MRPL19: variants seen among roughly 807,000 people sequenced by gnomAD.
The protein encoded by MRPL19 is large ribosomal subunit protein bL19m.
In MRPL19, 31 loss-of-function variants were observed where a neutral mutation model predicts 34.0. The observed-to-expected ratio is 0.91, with a 90% CI of 0.68 to 1.23. MRPL19 has a LOEUF of 1.23. MRPL19 is among the 50% of genes most tolerant of loss of function. MRPL19 has a pLI of 0.00. For missense variants in MRPL19, 384 were observed against 367.6 expected, an observed-to-expected ratio of 1.04 and a Z score of -0.37; for synonymous variants, 152 against 127.7, an observed-to-expected ratio of 1.19 and a Z score of -1.28.
At position 75,657,404 on chromosome 2, in the gene MRPL19, TCAGA is replaced by T. The variant is rs1414529244; in HGVS notation, c.*2123_*2126del. 2 of 152,102 alleles carry T rather than the reference TCAGA, an allele frequency of 1.3e-5. No homozygotes were observed. Among genetic ancestry groups the T allele is most frequent in the African/African-American group, 2.4e-5 (1 of 41,424 alleles). 9.4% of individuals were successfully genotyped at this position (152,102 alleles called of 1,614,324 possible). ...AGGAAGGAGATTGTCTAGGGGTCTG[TCAGA>T]CAGCAGCTTTCAGCTACTTCCTTGA... is the stretch of plus-strand genomic sequence containing the variant. On this transcript the variant is annotated 3_prime_UTR_variant, in exon 6 of 6. Coordinates refer to ENST00000393909, the MANE Select transcript of MRPL19 (RefSeq NM_014763.4).
At position 75,661,154 on chromosome 2, in the gene MRPL19, A is replaced by C. The variant is rs1486139075; in HGVS notation, c.*5869A>C. 6.6e-6 allele frequency: 1 copy of C among 152,114 alleles called. No individual in the cohort carries two copies. The highest frequency in any genetic ancestry group is 1.5e-5 in the Non-Finnish European group (1 of 68,018). The allele number at this position is 152,114 out of a possible 1,614,324, so 9.4% of individuals were successfully genotyped here. A position where few individuals can be genotyped will look rare whatever the true frequency, so the allele number is the denominator to read the frequency against. The stretch of plus-strand genomic sequence containing the variant: ...ACAGAATGCAGTTGCTGATTTCAAG[A>C]CTGCTGCAACACCAGGGAGCTTGTG... On this transcript the variant is annotated 3_prime_UTR_variant, in exon 6 of 6. Coordinates refer to ENST00000393909, the MANE Select transcript of MRPL19 (RefSeq NM_014763.4).
rs756904890 is a variant in MRPL19 at position 75,652,555 on chromosome 2, T to G, written c.373T>G (p.Tyr125Asp). 6.8e-6 allele frequency: 11 copies of G among 1,613,858 alleles called. No homozygotes were observed. Among genetic ancestry groups the G allele is most frequent in the African/African-American group, 1.3e-5 (1 of 74,922 alleles). Residue 125 changes from tyrosine to aspartate, a missense_variant, in exon 4 of 6, where the codon TAT becomes GAT. By Grantham distance (160) the Tyr-to-Asp change is radical. Transcript: ENST00000393909. ...SILRVTTADP[Y>D]ASGKISQFLG... is the part of the protein sequence containing the mutation. ...TCTTCGTGTTACTACAGCTGACCCA[T>G]ATGCCAGTGGAAAAATCAGCCAGTT...
Position 75,660,141 on chromosome 2 carries a change from C to T in MRPL19, c.*4856C>T, listed in dbSNP as rs1360837425. 1.3e-5 allele frequency among the ~76,000 whole-genome samples: 2 copies of T among 151,924 alleles called. No individual in the cohort carries two copies. The highest frequency in any genetic ancestry group is 4.8e-5 in the African/African-American group (2 of 41,382). On this transcript the variant is annotated 3_prime_UTR_variant, in exon 6 of 6. Coordinates refer to ENST00000393909, the MANE Select transcript of MRPL19 (RefSeq NM_014763.4). Reference sequence around the variant, plus strand: ...CCCTGTTCAGATCAACTGTTGAACTCCTCTAGTGAATTTATTTCAGTTACT... The same window carrying T: ...CCCTGTTCAGATCAACTGTTGAACTTCTCTAGTGAATTTATTTCAGTTACT...
chr2:75,647,287 A>C (rs1678245928), intron 2 of MRPL19, 68 bp downstream of exon 2: 6 of 1,458,164 alleles, frequency 4.1e-6, no homozygotes, highest in Middle Eastern at 1.9e-4. Context: ...TTCGCGTTCG[A>C]GGTCCCGGCT....
chr2:75,648,656 G>A (rs868551543), intron 2 of MRPL19, among the ~76,000 whole-genome samples: 17 of 151,600 alleles, frequency 1.1e-4, no homozygotes, highest in African/African-American at 4.1e-4. Flanking sequence ...TCAGGAGTTC[G>A]AGACCAGCCT....
In MRPL19 at chr2:75,646,854, G is replaced by A; in HGVS notation, c.47G>A (p.Gly16Asp). The A allele has an allele frequency of 6.3e-7, 1 of 1,597,252 alleles. No homozygotes were observed. Among genetic ancestry groups the A allele is most frequent in the East Asian group, 2.3e-5 (1 of 44,310 alleles). Residue 16 changes from glycine to aspartate, a missense_variant, in exon 1 of 6, where the codon GGC becomes GAC. Coordinates refer to ENST00000393909, the MANE Select transcript of MRPL19 (RefSeq NM_014763.4). ...GGGCACTGGGCTGCAATGGGCCTAG[G>A]CCGGAGTTTCCAAGCCGCCAGGACT... ...AAGHWAAMGL[G>D]RSFQAARTLL...
Position 75,654,798 on chromosome 2 carries a change from G to A in MRPL19, c.538G>A (p.Glu180Lys), listed in dbSNP as rs750583875. The change falls in exon 5 of 6, where the codon GAG becomes AAG. Residue 180 changes from glutamate to lysine, a missense_variant. Coordinates refer to ENST00000393909, the MANE Select transcript of MRPL19 (RefSeq NM_014763.4). The part of the protein sequence containing the change: ...RVQEIQVVKL[E>K]KRLDDSLLYL... ...CCAGGAGATTCAGGTGGTCAAATTA[G>A]AGAAACGGCTGGATGATAGCTTGCT... 11 of 1,613,762 alleles carry A rather than the reference G, an allele frequency of 6.8e-6. No homozygotes were observed. The highest frequency in any genetic ancestry group is 9.3e-6 in the Non-Finnish European group (11 of 1,179,870).
Position 75,657,403 on chromosome 2 carries a change from G to T in MRPL19, c.*2118G>T, listed in dbSNP as rs745329853. 6.6e-6 allele frequency: 1 copy of T among 152,066 alleles called. No homozygotes were observed. Among genetic ancestry groups the T allele is most frequent in the Non-Finnish European group, 1.5e-5 (1 of 67,984 alleles). 9.4% of individuals were successfully genotyped at this position (152,066 alleles called of 1,614,324 possible). A position where few individuals can be genotyped will look rare whatever the true frequency, so the allele number is the denominator to read the frequency against. On this transcript the variant is annotated 3_prime_UTR_variant, in exon 6 of 6. Transcript: ENST00000393909. ...CAGGAAGGAGATTGTCTAGGGGTCT[G>T]TCAGACAGCAGCTTTCAGCTACTTC...
rs1041605975 is a variant in MRPL19, at chr2:75,655,338, A to G, written c.*53A>G. On this transcript the variant is annotated 3_prime_UTR_variant, in exon 6 of 6. Coordinates refer to ENST00000393909, the MANE Select transcript of MRPL19 (RefSeq NM_014763.4). ...GAAGATACATTGGCTCTAAGAGGAT[A>G]TATTTTGAGACCAATTTAATTTCAT... The G allele has an allele frequency of 3.9e-6, 5 of 1,285,792 alleles. No individual in the cohort carries two copies. In the African/African-American group the frequency reaches 4.5e-5, roughly 11 times the overall value. The allele number at this position is 1,285,792 out of a possible 1,614,324, so 79.6% of individuals were successfully genotyped here. A position where few individuals can be genotyped will look rare whatever the true frequency, so the allele number is the denominator to read the frequency against.
At chr2:75,651,535 T>G (rs1678332629) in intron 2 of MRPL19, 3 of 467,482 alleles carry the variant, frequency 6.4e-6, no homozygotes, top group Non-Finnish European at 1.3e-5. Context: ...TGTCAGAACC[T>G]TCATATTCAA....
intron 2 of MRPL19, chr2:75,651,453 T>G (rs1463459457): frequency 1.9e-6 from 1 of 535,486 alleles, no homozygotes; most frequent in Admixed American, 1.9e-5. Flanking sequence ...TTGCAATGAT[T>G]CCATCAAAGG....
rs970539240 is a variant in MRPL19 at position 75,659,278 on chromosome 2, C to G, written c.*3993C>G. 6.6e-6 allele frequency among the ~76,000 whole-genome samples: 1 copy of G among 152,122 alleles called. No homozygotes were observed. The highest frequency in any genetic ancestry group is 1.5e-5 in the Non-Finnish European group (1 of 67,992). ...TTACCTTCAATAGCATACAAAATCT[C>G]TACTCCTGTAAAGCTCTGCCCCTGC... On this transcript the variant is annotated 3_prime_UTR_variant, in exon 6 of 6. Coordinates refer to ENST00000393909, the MANE Select transcript of MRPL19 (RefSeq NM_014763.4).
Position 75,653,327 on chromosome 2 carries a change from G to A in MRPL19, c.475+670G>A, listed in dbSNP as rs139742053. ...ATTCTGTAATGACAGTGGGCTGTGC[G>A]TGCAGGAATTCAGCAGGACTTAATT... On this transcript the variant is annotated intron_variant, in intron 4 of 5. Transcript: ENST00000393909. Among the ~76,000 whole-genome samples, 75 of 152,322 alleles carry A rather than the reference G, an allele frequency of 4.9e-4. 1 individual carries two copies. The East Asian group carries it at 0.013, about 26-fold the overall frequency.
At position 75,652,217 on chromosome 2, in the gene MRPL19, G is replaced by A. The variant is rs1678346365; in HGVS notation, c.297G>A (p.Met99Ile). Residue 99 changes from methionine to isoleucine, a missense_variant, in exon 3 of 6, where the codon ATG becomes ATA. By Grantham distance (10) the Met-to-Ile change is conservative. Coordinates refer to ENST00000393909, the MANE Select transcript of MRPL19 (RefSeq NM_014763.4). ...AATTTCAAATAGAAAGAAAAGATAT[G>A]TTAGAAAGGAGAAAAGTACTCCACA... The part of the protein sequence containing the change: ...PLKFQIERKD[M>I]LERRKVLHIP... The A allele has an allele frequency of 1.2e-6, 2 of 1,605,038 alleles. No individual in the cohort carries two copies. The highest frequency in any genetic ancestry group is 4.5e-5 in the East Asian group (2 of 44,680).
intron 4 of MRPL19, among the ~76,000 whole-genome samples, chr2:75,654,283 A>C (rs1678390820): frequency 6.6e-6 from 1 of 152,122 alleles, no homozygotes; most frequent in African/African-American, 2.4e-5. Flanking sequence ...CCTTTAATCC[A>C]CTAATCCTTA....
chr2:75,659,961 G>C lies in MRPL19; in HGVS notation c.*4676G>C, dbSNP rs1678566454. 6.6e-6 allele frequency among the ~76,000 whole-genome samples: 1 copy of C among 151,884 alleles called. No homozygotes were observed. The highest frequency in any genetic ancestry group is 1.5e-5 in the Non-Finnish European group (1 of 67,960). ...TATTATTTCTTCAATTTTTTTCACT[G>C]CTTCTTTCTTTTCCTTCTGAAATAT... On this transcript the variant is annotated 3_prime_UTR_variant, in exon 6 of 6. Coordinates refer to ENST00000393909, the MANE Select transcript of MRPL19 (RefSeq NM_014763.4).
At chr2:75,647,251 C>T (rs1292211122) in intron 2 of MRPL19, 32 bp downstream of exon 2, 1 of 1,551,202 alleles carries the variant, frequency 6.4e-7, no homozygotes, top group Non-Finnish European at 8.7e-7. Context: ...AGGCCGGCAA[C>T]TGGGGTCGGT....
chr2:75,659,245 A>T lies in MRPL19; in HGVS notation c.*3960A>T, dbSNP rs988088858. 6.6e-6 allele frequency among the ~76,000 whole-genome samples: 1 copy of T among 152,076 alleles called. No individual in the cohort carries two copies. Among genetic ancestry groups the T allele is most frequent in the African/African-American group, 2.4e-5 (1 of 41,408 alleles). ...ACTTAAAACAATCTAATTTAAACTG[A>T]TACCAATTTACCTTCAATAGCATAC... On this transcript the variant is annotated 3_prime_UTR_variant, in exon 6 of 6. Coordinates refer to ENST00000393909, the MANE Select transcript of MRPL19 (RefSeq NM_014763.4).
At position 75,655,587 on chromosome 2, in the gene MRPL19, G is replaced by A. The variant is rs1040805297; in HGVS notation, c.*302G>A. The A allele has an allele frequency of 3.1e-5, 7 of 222,856 alleles. No homozygotes were observed. Among genetic ancestry groups the A allele is most frequent in the South Asian group, 2.8e-4 (2 of 7,028 alleles). The allele number at this position is 222,856 out of a possible 1,614,324, so 13.8% of individuals were successfully genotyped here. ...GAACCTGAGCAAAGGGAATAGGTGGGATGAATTTTTTTTTTAATTGTGAAA... is the reference window on the plus strand; with the variant it reads ...GAACCTGAGCAAAGGGAATAGGTGGAATGAATTTTTTTTTTAATTGTGAAA... On this transcript the variant is annotated 3_prime_UTR_variant, in exon 6 of 6. Transcript: ENST00000393909.
Sources: allele counts gnomAD v4.1 joint callset (sites outside exome capture counted in the v4.1 genomes callset), GRCh38; gene constraint gnomAD v4.1.1; transcripts MANE v1.5; gene names NCBI Gene and HGNC (gene_info 2026-07-23, HGNC 2026-07-21).